The following SORCS3 variants were observed in gnomAD, a reference collection of about 807,000 sequenced individuals.
The protein encoded by SORCS3 is VPS10 domain-containing receptor SorCS3.
In SORCS3, 57 loss-of-function variants were observed where a neutral mutation model predicts 146.3. The observed-to-expected ratio is 0.39, with a 90% CI of 0.31 to 0.49. The LOEUF (loss-of-function observed/expected upper bound fraction) is 0.49. SORCS3 is among the 20% of genes least tolerant of loss of function. The pLI is 0.92. For missense variants in SORCS3, 1,341 were observed against 1,575.5 expected (o/e 0.85, Z 2.52); for synonymous variants, 653 against 618.5 (o/e 1.06, Z -0.83).
At chr10:104,686,043 G>A (rs555694523) in intron 1 of SORCS3, among the ~76,000 whole-genome samples, 4 of 152,182 alleles carry the variant, frequency 2.6e-5, no homozygotes, top group African/African-American at 9.7e-5. Context: ...GGGAGCTCCT[G>A]GGAGGAATGG....
At chr10:105,033,163 T>A (rs940943665) in intron 4 of SORCS3, among the ~76,000 whole-genome samples, 1 of 152,178 alleles carries the variant, frequency 6.6e-6, no homozygotes, top group African/African-American at 2.4e-5. Flanking sequence ...ATTGTGGAAA[T>A]GATTTGTAAA....
At position 105,139,474 on chromosome 10, in the gene SORCS3, C is replaced by T; in HGVS notation, c.1290C>T (p.Tyr430=). The T allele has an allele frequency of 6.2e-7, 1 of 1,613,294 alleles. No individual in the cohort carries two copies. The highest frequency in any genetic ancestry group is 1.1e-5 in the South Asian group (1 of 91,018). ...TTGCTCAGATAAAGCTGCCTAAGTA[C>T]TCGTTGCCAAAGGTACTGCATGCAC... The part of the protein sequence containing the change: ...EAFAQIKLPK[Y]SLPKDMHIIS... Residue 430 remains tyrosine, a synonymous_variant, in exon 8 of 27, where the codon TAC becomes TAT. Coordinates refer to ENST00000369701, the MANE Select transcript of SORCS3 (RefSeq NM_014978.3).
chr10:104,875,738 G>T (rs2018564991), intron 2 of SORCS3, among the ~76,000 whole-genome samples: 1 of 152,100 alleles, frequency 6.6e-6, no homozygotes, highest in Non-Finnish European at 1.5e-5. Flanking sequence ...ATGGTCTCAT[G>T]GGCTCAATGG....
chr10:104,952,203 A>G (rs899380647), intron 3 of SORCS3, among the ~76,000 whole-genome samples: 5 of 143,342 alleles, frequency 3.5e-5, no homozygotes, highest in African/African-American at 1.3e-4. Context: ...TGTCGGACCC[A>G]AATCTGTGGT....
intron 1 of SORCS3, among the ~76,000 whole-genome samples, chr10:104,758,606 T>A (rs1459087910): frequency 1.3e-5 from 2 of 152,088 alleles, no homozygotes; most frequent in Admixed American, 1.3e-4. Flanking sequence ...ACATTCTAGC[T>A]TTGGGATGTC....
At chr10:105,128,431 T>C (rs1429416088) in intron 7 of SORCS3, among the ~76,000 whole-genome samples, 1 of 152,140 alleles carries the variant, frequency 6.6e-6, no homozygotes, top group South Asian at 2.1e-4. Flanking sequence ...TCTCCAAGCC[T>C]TCCAGAAATC....
At chr10:105,258,866 G>A (rs1401802684) in intron 25 of SORCS3, among the ~76,000 whole-genome samples, 1 of 152,148 alleles carries the variant, frequency 6.6e-6, no homozygotes, top group African/African-American at 2.4e-5. Flanking sequence ...CTGGACAATA[G>A]CAGCATCAGT....
intron 1 of SORCS3, among the ~76,000 whole-genome samples, chr10:104,784,358 C>T (rs368326115): frequency 2.6e-5 from 4 of 152,260 alleles, no homozygotes; most frequent in African/African-American, 9.6e-5. Context: ...GGACAGTCAC[C>T]TCCAACCAAG....
At chr10:105,193,551 A>G (rs2056528630) in intron 14 of SORCS3, among the ~76,000 whole-genome samples, 1 of 152,190 alleles carries the variant, frequency 6.6e-6, no homozygotes, top group South Asian at 2.1e-4. Context: ...TGAGGTAGAC[A>G]TGGGGATTGA....
chr10:105,097,455 G>A lies in SORCS3; in HGVS notation c.1093+7616G>A, dbSNP rs577398474. ...TCTCTGACACAGTTACTCAGTCACA[G>A]ACCGACAGACAGAAGGACACACACA... is the stretch of plus-strand genomic sequence containing the variant. On this transcript the variant is annotated intron_variant, in intron 6 of 26. Coordinates refer to ENST00000369701, the MANE Select transcript of SORCS3 (RefSeq NM_014978.3). Among the ~76,000 whole-genome samples the A allele has an allele frequency of 4.6e-5, 7 of 152,192 alleles. No individual in the cohort carries two copies. The East Asian group carries it at 1.4e-3, about 29-fold the overall frequency.
intron 3 of SORCS3, among the ~76,000 whole-genome samples, chr10:104,974,899 A>G (rs1162371879): frequency 6.6e-6 from 1 of 152,144 alleles, no homozygotes; most frequent in Non-Finnish European, 1.5e-5. Flanking sequence ...TGGTGGTGAC[A>G]AAATCTCTCA....
At chr10:105,171,845 A>G (rs776684873) in intron 13 of SORCS3, among the ~76,000 whole-genome samples, 1 of 152,144 alleles carries the variant, frequency 6.6e-6, no homozygotes, top group African/African-American at 2.4e-5. Flanking sequence ...ATGTCATGTT[A>G]GTATCATAGT....
intron 1 of SORCS3, among the ~76,000 whole-genome samples, chr10:104,726,143 A>G (rs983431509): frequency 2.6e-5 from 4 of 152,188 alleles, no homozygotes; most frequent in African/African-American, 7.2e-5. Flanking sequence ...ATAGGTCTTT[A>G]AAGTAAACAA....
chr10:104,714,918 A>G (rs972930390), intron 1 of SORCS3, among the ~76,000 whole-genome samples: 1 of 152,216 alleles, frequency 6.6e-6, no homozygotes, highest in African/African-American at 2.4e-5. Context: ...ATTATTAGGA[A>G]GACCAGAGTC....
intron 1 of SORCS3, among the ~76,000 whole-genome samples, chr10:104,812,015 A>AC (rs1487446199): frequency 3.3e-5 from 5 of 152,194 alleles, no homozygotes; most frequent in Non-Finnish European, 7.3e-5. Flanking sequence ...GGAATTGACA[A>AC]CCTAGAAAAA....
chr10:104,873,407 G>T (rs991194023), intron 2 of SORCS3, among the ~76,000 whole-genome samples: 3 of 152,194 alleles, frequency 2.0e-5, no homozygotes, highest in Non-Finnish European at 4.4e-5. Context: ...AGCAGTGGGA[G>T]CCAGTTCTGA....
intron 1 of SORCS3, among the ~76,000 whole-genome samples, chr10:104,750,600 C>T (rs769191721): frequency 7.9e-5 from 12 of 151,960 alleles, no homozygotes; most frequent in Admixed American, 4.6e-4. Context: ...ACAAATAATA[C>T]GAAGACAGGA....
intron 3 of SORCS3, among the ~76,000 whole-genome samples, chr10:104,970,479 C>T (rs533574366): frequency 1.3e-5 from 2 of 152,118 alleles, no homozygotes; most frequent in Non-Finnish European, 2.9e-5. Context: ...TCAAACTCTG[C>T]GAGCACCACA....
chr10:105,146,851 C>A (rs1323187936), intron 8 of SORCS3, among the ~76,000 whole-genome samples: 1 of 152,000 alleles, frequency 6.6e-6, no homozygotes, highest in African/African-American at 2.4e-5. Flanking sequence ...AGAATAGTCC[C>A]CAAAGAAATC....
Sources: gnomAD v4.1 joint callset for allele counts (sites outside exome capture counted in the v4.1 genomes callset) on GRCh38, gnomAD v4.1.1 for gene constraint, MANE v1.5 for transcripts, NCBI Gene and HGNC (gene_info 2026-07-23, HGNC 2026-07-21) for gene names.